SGCZ: variants seen among roughly 807,000 people sequenced by gnomAD.
The protein encoded by SGCZ is sarcoglycan zeta, also known as zeta-sarcoglycan.
Under a neutral mutation model 41.3 loss-of-function variants are expected in SGCZ, and 40 were observed. That is an observed-to-expected ratio of 0.97 (90% CI 0.75 to 1.26). The LOEUF (loss-of-function observed/expected upper bound fraction) is 1.26, where lower values mean the gene tolerates loss of function less well. Ranked by LOEUF, SGCZ falls within the 50% of genes most tolerant of loss-of-function variation. The pLI is 0.00. For missense variants in SGCZ, 552 were observed against 369.8 expected (o/e 1.49, Z -4.04); for synonymous variants, 206 against 137.5 (o/e 1.50, Z -3.49).
rs536118177 is a variant in SGCZ at position 14,468,212 on chromosome 8, A to G, written c.234+86520T>C. ...GATTTTGATTGAGTTCATCAGCATA[A>G]TACAGATAGAATGATATATACAGAT... On this transcript the variant is annotated intron_variant, in intron 2 of 7. Transcript: ENST00000382080. Among the ~76,000 whole-genome samples, 4 of 152,154 alleles carry G rather than the reference A, an allele frequency of 2.6e-5. No homozygotes were observed. The East Asian group carries it at 7.7e-4, about 29-fold the overall frequency.
chr8:14,903,438 T>G (rs990256295), intron 1 of SGCZ, among the ~76,000 whole-genome samples: 1 of 152,124 alleles, frequency 6.6e-6, no homozygotes, highest in Non-Finnish European at 1.5e-5. Flanking sequence ...ATTCAAATCT[T>G]GAAATCCTGA....
intron 3 of SGCZ, chr8:14,309,344 T>A: frequency 6.2e-7 from 1 of 1,603,064 alleles, no homozygotes; most frequent in East Asian, 2.2e-5. Context: ...GAAAAACAAA[T>A]GGGGAGGACG....
chr8:14,910,262 T>C (rs1419814485), intron 1 of SGCZ, among the ~76,000 whole-genome samples: 1 of 152,100 alleles, frequency 6.6e-6, no homozygotes, highest in Non-Finnish European at 1.5e-5. Context: ...AGTATTTCTC[T>C]AATTTATAAT....
intron 1 of SGCZ, among the ~76,000 whole-genome samples, chr8:14,675,563 G>C (rs979375424): frequency 9.2e-5 from 14 of 152,004 alleles, no homozygotes; most frequent in Admixed American, 6.6e-4. Context: ...ATTTATATGA[G>C]AAAATATGTT....
intron 1 of SGCZ, among the ~76,000 whole-genome samples, chr8:14,849,173 G>A (rs1039675877): frequency 6.6e-6 from 1 of 152,070 alleles, no homozygotes; most frequent in Non-Finnish European, 1.5e-5. Flanking sequence ...GACTGCTTGT[G>A]TCGACCAGTG....
chr8:14,878,745 C>A (rs143754747), intron 1 of SGCZ, among the ~76,000 whole-genome samples: 2 of 152,168 alleles, frequency 1.3e-5, no homozygotes, highest in African/African-American at 4.8e-5. Context: ...TAAAGAATGG[C>A]AGAGGCAATG....
At chr8:15,086,978 C>A (rs1805971823) in intron 1 of SGCZ, among the ~76,000 whole-genome samples, 1 of 151,906 alleles carries the variant, frequency 6.6e-6, no homozygotes, top group South Asian at 2.1e-4. Context: ...ATCAGCTCAT[C>A]TTCTCAAGAG....
chr8:14,090,400 C>G lies in SGCZ; in HGVS notation c.*43G>C. 1.3e-6 allele frequency: 2 copies of G among 1,582,764 alleles called. No individual in the cohort carries two copies. The highest frequency in any genetic ancestry group is 1.7e-6 in the Non-Finnish European group (2 of 1,163,444). ...CGAGCAGAACTGTGAAGCAGACGGA[C>G]AGGAACAAAAGGCTATTCTGGTGTG... On this transcript the variant is annotated 3_prime_UTR_variant, in exon 8 of 8. Coordinates refer to ENST00000382080, the MANE Select transcript of SGCZ (RefSeq NM_139167.4).
At chr8:14,351,148 C>G (rs1272995429) in intron 2 of SGCZ, among the ~76,000 whole-genome samples, 2 of 152,012 alleles carry the variant, frequency 1.3e-5, no homozygotes, top group African/African-American at 4.8e-5. Context: ...GAAAGTCTAC[C>G]TATGAAAATA....
chr8:14,622,247 G>A (rs921069498), intron 1 of SGCZ, among the ~76,000 whole-genome samples: 2 of 152,178 alleles, frequency 1.3e-5, no homozygotes, highest in African/African-American at 4.8e-5. Context: ...GTATCAAGGA[G>A]GAGGTAGTGA....
At chr8:14,680,569 A>G (rs936199641) in intron 1 of SGCZ, among the ~76,000 whole-genome samples, 1 of 98,638 alleles carries the variant, frequency 1.0e-5, no homozygotes, top group Non-Finnish European at 2.3e-5. Context: ...AATCTCACAG[A>G]TATAATTAGT....
intron 1 of SGCZ, among the ~76,000 whole-genome samples, chr8:14,954,446 A>G (rs1200108217): frequency 6.6e-6 from 1 of 152,144 alleles, no homozygotes; most frequent in Non-Finnish European, 1.5e-5. Flanking sequence ...ATTTTCCTCC[A>G]CTAAATGTGC....
intron 1 of SGCZ, among the ~76,000 whole-genome samples, chr8:15,207,826 A>T (rs11203681): frequency 6.6e-6 from 1 of 152,046 alleles, no homozygotes. Flanking sequence ...AAATAATCTG[A>T]ATAAGCTCAA....
At chr8:14,743,961 T>C (rs776223468) in intron 1 of SGCZ, among the ~76,000 whole-genome samples, 4 of 152,144 alleles carry the variant, frequency 2.6e-5, no homozygotes, top group Non-Finnish European at 5.9e-5. Context: ...TGTTGTTTCA[T>C]AATCTTTTCC....
intron 1 of SGCZ, among the ~76,000 whole-genome samples, chr8:15,078,113 A>C (rs905339715): frequency 4.7e-5 from 6 of 126,566 alleles, no homozygotes; most frequent in Admixed American, 9.0e-5. Context: ...CCTGATTTTC[A>C]GTGTGAGGTG....
At chr8:14,193,756 G>C (rs149599179) in intron 4 of SGCZ, among the ~76,000 whole-genome samples, 2 of 151,986 alleles carry the variant, frequency 1.3e-5, no homozygotes, top group Non-Finnish European at 3.0e-5. Flanking sequence ...TTGTCTGAAT[G>C]TCTAGCTTGT....
intron 1 of SGCZ, among the ~76,000 whole-genome samples, chr8:15,076,983 C>G (rs1184309911): frequency 6.6e-6 from 1 of 152,118 alleles, no homozygotes; most frequent in Non-Finnish European, 1.5e-5. Flanking sequence ...TTGCGCTTTT[C>G]TACATAATTG....
At chr8:14,751,269 T>C (rs1280513268) in intron 1 of SGCZ, among the ~76,000 whole-genome samples, 1 of 152,176 alleles carries the variant, frequency 6.6e-6, no homozygotes, top group African/African-American at 2.4e-5. Context: ...ACATGTTCTC[T>C]ACAAGAAAAG....
intron 5 of SGCZ, among the ~76,000 whole-genome samples, chr8:14,143,769 C>T (rs1026871545): frequency 2.0e-5 from 3 of 152,068 alleles, no homozygotes; most frequent in African/African-American, 7.2e-5. Flanking sequence ...CCACCCTTCC[C>T]CTCTACACCC....
Sources: allele counts gnomAD v4.1 joint callset (sites outside exome capture counted in the v4.1 genomes callset), GRCh38; gene constraint gnomAD v4.1.1; transcripts MANE v1.5; gene names NCBI Gene and HGNC (gene_info 2026-07-23, HGNC 2026-07-21).